The following MID2 variants were observed in gnomAD, a reference collection of about 807,000 sequenced individuals.
The protein encoded by MID2 is midline 2, also known as probable E3 ubiquitin-protein ligase MID2.
Under a neutral mutation model 46.1 loss-of-function variants are expected in MID2, and 13 were observed. The observed-to-expected ratio is 0.28, with a 90% CI of 0.18 to 0.45. MID2 has a LOEUF of 0.45. MID2 is among the 20% of genes least tolerant of loss of function. The probability of loss-of-function intolerance (pLI) is 1.00; values close to 1 mark genes in which losing one functional copy is unlikely to be tolerated. For synonymous variants in MID2, 199 were observed against 212.3 expected, an observed-to-expected ratio of 0.94 and a Z score of 0.55; for missense variants, 431 against 575.4, an observed-to-expected ratio of 0.75 and a Z score of 2.57.
At chrX:107,841,472 A>G (rs1931346677) in intron 2 of MID2, 87 bp downstream of exon 2, 8 of 680,352 alleles carry the variant, frequency 1.2e-5, no homozygotes, top group Middle Eastern at 7.7e-4. Flanking sequence ...GACTTTTCCT[A>G]TATGACAAGT....
intron 5 of MID2, among the ~76,000 whole-genome samples, chrX:107,907,398 G>T (rs1405274181): frequency 8.9e-6 from 1 of 112,259 alleles, no homozygotes; most frequent in Non-Finnish European, 1.9e-5. Flanking sequence ...ACAAAGAACA[G>T]TAAGTGTGAA....
At chrX:107,899,190 C>G (rs975380413) in intron 3 of MID2, among the ~76,000 whole-genome samples, 3 of 98,312 alleles carry the variant, frequency 3.1e-5, no homozygotes, top group South Asian at 5.3e-4. Context: ...CCTCCCCCCC[C>G]CCAAAAATCC....
At chrX:107,861,614 CT>C (rs1451143419) in intron 3 of MID2, among the ~76,000 whole-genome samples, 3 of 112,176 alleles carry the variant, frequency 2.7e-5, no homozygotes, top group Admixed American at 9.4e-5. Flanking sequence ...GAGGGAAACT[CT>C]GTCTCAAAAC....
intron 1 of MID2, among the ~76,000 whole-genome samples, chrX:107,831,722 A>C (rs930857852): frequency 1.8e-5 from 2 of 112,006 alleles, no homozygotes; most frequent in Non-Finnish European, 3.8e-5. Context: ...CTGCCTGTCC[A>C]GGTGAACCAC....
At chrX:107,926,616 A>G in intron 9 of MID2, 55 bp from the exon 10 acceptor site, 14 of 1,090,982 alleles carry the variant, frequency 1.3e-5, no homozygotes, top group Middle Eastern at 2.5e-4. Context: ...GGTGTCTTAC[A>G]CAACTCAGAT....
chrX:107,880,701 T>A lies in MID2; in HGVS notation c.817-23257T>A, dbSNP rs777259227. ...ATAATGGCAGGTAATCATTTATGTCTACATCTTAGCAGAATTCAGGCTTTT... is the reference window on the plus strand; with the variant it reads ...ATAATGGCAGGTAATCATTTATGTCAACATCTTAGCAGAATTCAGGCTTTT... On this transcript the variant is annotated intron_variant, in intron 3 of 9. Transcript: ENST00000262843. Among the ~76,000 whole-genome samples, 10 of 112,732 alleles carry A rather than the reference T, an allele frequency of 8.9e-5. No individual in the cohort carries two copies. The Admixed American group carries it at 9.3e-4, about 11-fold the overall frequency.
At position 107,826,883 on chromosome X, in the gene MID2, C is replaced by A. The variant is rs762166127; in HGVS notation, c.4+453C>A. Among the ~76,000 whole-genome samples the A allele has an allele frequency of 1.4e-4, 16 of 113,600 alleles. No homozygotes were observed. The East Asian group carries it at 4.5e-3, about 32-fold the overall frequency. ...CGTCTGCCGGGCGGTGCTGTCGCAG[C>A]AGCCGGCGTGGCTGCGGACGCCCTG... On this transcript the variant is annotated intron_variant, in intron 1 of 9. Transcript: ENST00000262843.
chrX:107,865,937 T>A (rs1389579294), intron 3 of MID2, among the ~76,000 whole-genome samples: 2 of 112,690 alleles, frequency 1.8e-5, no homozygotes, highest in Non-Finnish European at 3.8e-5. Flanking sequence ...AGATGTCTTA[T>A]TAGAAAAATC....
chrX:107,841,898 G>A (rs1212593352), intron 2 of MID2, among the ~76,000 whole-genome samples: 1 of 112,076 alleles, frequency 8.9e-6, no homozygotes, highest in Admixed American at 9.5e-5. Flanking sequence ...GTTTGTGTTT[G>A]TGTACTCAAT....
chrX:107,868,474 C>T (rs1044940563), intron 3 of MID2, among the ~76,000 whole-genome samples: 2 of 111,180 alleles, frequency 1.8e-5, no homozygotes, highest in Admixed American at 9.5e-5. Flanking sequence ...AATGAGGACC[C>T]CAAGAAGCTA....
At chrX:107,856,559 A>G (rs1280754402) in intron 3 of MID2, among the ~76,000 whole-genome samples, 1 of 111,775 alleles carries the variant, frequency 8.9e-6, no homozygotes. Flanking sequence ...CACTCTGAAG[A>G]GCTTATGACC....
At position 107,828,480 on chromosome X, in the gene MID2, T is replaced by A. The variant is rs184962036; in HGVS notation, c.4+2050T>A. On this transcript the variant is annotated intron_variant, in intron 1 of 9. Transcript: ENST00000262843. Reference sequence around the variant, plus strand: ...GTGCATGCCACCACACCCAGCTAATTTTTGTATTTTTTGTAGAGATGGCGT... The same window carrying A: ...GTGCATGCCACCACACCCAGCTAATATTTGTATTTTTTGTAGAGATGGCGT... Among the ~76,000 whole-genome samples the A allele has an allele frequency of 3.6e-3, 391 of 108,976 alleles. 2 individuals carry two copies. Among genetic ancestry groups the A allele is most frequent in the African/African-American group, 0.012 (365 of 29,749 alleles). The allele number at this position is 108,976 out of a possible 115,157, so 94.6% of individuals were successfully genotyped here. A position where few individuals can be genotyped will look rare whatever the true frequency, so the allele number is the denominator to read the frequency against.
At chrX:107,846,237 A>G (rs1030418526) in intron 2 of MID2, among the ~76,000 whole-genome samples, 15 of 111,644 alleles carry the variant, frequency 1.3e-4, no homozygotes, top group South Asian at 3.8e-4. Flanking sequence ...AAAATCTTCA[A>G]TGGAGGCCAG....
chrX:107,841,402 G>A lies in MID2; in HGVS notation c.720+17G>A, dbSNP rs141574483. The A allele has an allele frequency of 8.4e-4, 933 of 1,107,863 alleles. 2 individuals are homozygous for A. In the African/African-American group the frequency reaches 0.011, roughly 14 times the overall value. The allele number at this position is 1,107,863 out of a possible 1,213,427, so 91.3% of individuals were successfully genotyped here. The stretch of plus-strand genomic sequence containing the variant: ...AAACTCAAGGTAAGGGATCTGGGGA[G>A]CATCCCCTATACAACTTTGTCGCAT... On this transcript the variant is annotated intron_variant, in intron 2 of 9. Transcript: ENST00000262843.
At chrX:107,850,831 A>G (rs1931595320) in intron 2 of MID2, among the ~76,000 whole-genome samples, 1 of 112,091 alleles carries the variant, frequency 8.9e-6, no homozygotes, top group Non-Finnish European at 1.9e-5. Context: ...AGGAACACAT[A>G]GCAGAGATTT....
chrX:107,831,298 G>A (rs1931084795), intron 1 of MID2, among the ~76,000 whole-genome samples: 2 of 111,684 alleles, frequency 1.8e-5, no homozygotes, highest in Admixed American at 1.9e-4. Context: ...GTTGATGAAC[G>A]GCATCCCCAG....
intron 4 of MID2, 28 bp from the exon 5 acceptor site, chrX:107,905,450 A>AT (rs1192268562): frequency 1.2e-5 from 14 of 1,158,350 alleles, no homozygotes; most frequent in Admixed American, 4.9e-5. Flanking sequence ...GTTTTATCTT[A>AT]TTTTTTTCTT....
chrX:107,883,686 A>G (rs1389211881), intron 3 of MID2, among the ~76,000 whole-genome samples: 1 of 112,273 alleles, frequency 8.9e-6, no homozygotes, highest in African/African-American at 3.2e-5. Flanking sequence ...GTTTTCTCCC[A>G]TGCCCAATTT....
chrX:107,838,402 C>T (rs1409947927), intron 1 of MID2, among the ~76,000 whole-genome samples: 2 of 111,940 alleles, frequency 1.8e-5, no homozygotes, highest in Non-Finnish European at 3.8e-5. Flanking sequence ...TATGGGTGAA[C>T]GTTGATAGAT....
Sources: gnomAD v4.1 joint callset for allele counts (sites outside exome capture counted in the v4.1 genomes callset) on GRCh38, gnomAD v4.1.1 for gene constraint, MANE v1.5 for transcripts, NCBI Gene and HGNC (gene_info 2026-07-23, HGNC 2026-07-21) for gene names.